Variants in CCDC88C observed in about 807,000 individuals in gnomAD.
The protein encoded by CCDC88C is protein Daple.
Under a neutral mutation model 198.8 loss-of-function variants are expected in CCDC88C, and 131 were observed. The ratio of observed to expected loss-of-function variants is 0.66; its 90% CI spans 0.57 to 0.76. The LOEUF (loss-of-function observed/expected upper bound fraction) is 0.76. Ranked by LOEUF, CCDC88C falls within the 30% of genes least tolerant of loss-of-function variation. The pLI is 0.00. For synonymous variants in CCDC88C, 1,166 were observed against 1,114.7 expected (o/e 1.05, Z -0.92); for missense variants, 2,553 against 2,631.6 (o/e 0.97, Z 0.65).
chr14:91,285,711 G>C (rs1394541892), intron 25 of CCDC88C: 1 of 1,288,922 alleles, frequency 7.8e-7, no homozygotes, highest in African/African-American at 1.5e-5. Context: ...GGCTCGTTAG[G>C]AGAGGATGGG....
chr14:91,272,592 G>A lies in CCDC88C; in HGVS notation c.*33C>T, dbSNP rs779623874. The stretch of plus-strand genomic sequence containing the variant: ...GTGAGAGTCGGAAGGCGCGTCAGTA[G>A]TTTTCAGGTTTGCGAGCTCAACCAC... On this transcript the variant is annotated 3_prime_UTR_variant, in exon 30 of 30. Transcript: ENST00000389857. 11 of 1,581,026 alleles carry A rather than the reference G, an allele frequency of 7.0e-6. No homozygotes were observed. The African/African-American group carries it at 1.2e-4, about 17-fold the overall frequency.
At chr14:91,376,588 G>A (rs1237056747) in intron 3 of CCDC88C, among the ~76,000 whole-genome samples, 1 of 152,226 alleles carries the variant, frequency 6.6e-6, no homozygotes. Flanking sequence ...CATGAACGCA[G>A]AGGTGAGAAG....
rs71428750 is a variant in CCDC88C at position 91,273,313 on chromosome 14, G to A, written c.5399C>T (p.Ser1800Phe). The change falls in exon 30 of 30, where the codon TCC (serine) becomes TTC (phenylalanine). Residue 1800 changes from serine (S) to phenylalanine (F), a missense_variant. Ser to Phe is a radical substitution (Grantham distance 155). Coordinates refer to ENST00000389857, the MANE Select transcript of CCDC88C (RefSeq NM_001080414.4). The surrounding 1 kb of genome is among the most constrained non-coding windows in gnomAD (Gnocchi z 5.6). ...GGCCAGGCTGAAGGCCCGGCTCAAG[G>A]AGGCACTGCGGCTGGCAGGTGCATG... is the stretch of plus-strand genomic sequence containing the variant. ...ASHAPASRSA[S>F]LSRAFSLASA... 1 of 1,556,668 alleles carries A rather than the reference G, an allele frequency of 6.4e-7. No homozygotes were observed. Among genetic ancestry groups the A allele is most frequent in the Non-Finnish European group, 8.7e-7 (1 of 1,148,962 alleles).
Position 91,279,326 on chromosome 14 carries a change from T to C in CCDC88C, c.4700-20A>G, listed in dbSNP as rs1338994339. 6.3e-7 allele frequency: 1 copy of C among 1,576,810 alleles called. No homozygotes were observed. Among genetic ancestry groups the C allele is most frequent in the Non-Finnish European group, 8.6e-7 (1 of 1,158,676 alleles). On this transcript the variant is annotated intron_variant, in intron 27 of 29. Coordinates refer to ENST00000389857, the MANE Select transcript of CCDC88C (RefSeq NM_001080414.4). ...GCGACACTGAAAGGAAATGGCAGTG[T>C]TAAAATTAAAAAGCCAATGACCAGG...
intron 2 of CCDC88C, 73 bp from the exon 3 acceptor site, chr14:91,408,840 C>A (rs1886649554): frequency 2.1e-6 from 2 of 973,308 alleles, no homozygotes; most frequent in Non-Finnish European, 3.3e-6. Context: ...AGCCACGACC[C>A]AGCATCTTGT....
Position 91,372,543 on chromosome 14 carries a change from G to GGGGC in CCDC88C, c.271-12833_271-12832insGCCC, listed in dbSNP as rs1386770369. Among the ~76,000 whole-genome samples, 793 of 82,094 alleles carry GGGGC rather than the reference G, an allele frequency of 9.7e-3. 50 individuals are homozygous for GGGGC. The highest frequency in any genetic ancestry group is 0.045 in the African/African-American group (739 of 16,342). The allele number at this position is 82,094 out of a possible 152,430, so 53.9% of individuals were successfully genotyped here. A position where few individuals can be genotyped will look rare whatever the true frequency, so the allele number is the denominator to read the frequency against. ...GGCAGTGGTGCGGGGGGGGGCGGGCGGGGGGGGGAGGCGTGTGTTAGTGCA... is the reference window on the plus strand; with the variant it reads ...GGCAGTGGTGCGGGGGGGGGCGGGCGGGGCGGGGGGGGAGGCGTGTGTTAGTGCA... On this transcript the variant is annotated intron_variant, in intron 3 of 29. Transcript: ENST00000389857.
chr14:91,285,421 CAT>C (rs1567049789), intron 25 of CCDC88C: 1 of 447,270 alleles, frequency 2.2e-6, no homozygotes, highest in East Asian at 7.1e-5. Context: ...GGCCCAAGGA[CAT>C]GTGCACGTAT....
rs1894772931 is a variant in CCDC88C, at chr14:91,371,049, G to A, written c.271-11338C>T. ...GAAGGACTTCAAGGATTAGGCTAAGGATGGAGAGAGCAGGACCCTTTCCCC... is the reference window on the plus strand; with the variant it reads ...GAAGGACTTCAAGGATTAGGCTAAGAATGGAGAGAGCAGGACCCTTTCCCC... On this transcript the variant is annotated intron_variant, in intron 3 of 29. Transcript: ENST00000389857. The surrounding 1 kb of genome is among the most constrained non-coding windows in gnomAD (Gnocchi z 4.2). 6.6e-6 allele frequency among the ~76,000 whole-genome samples: 1 copy of A among 152,146 alleles called. No homozygotes were observed. Among genetic ancestry groups the A allele is most frequent in the Admixed American group, 6.5e-5 (1 of 15,286 alleles).
intron 3 of CCDC88C, among the ~76,000 whole-genome samples, chr14:91,387,328 T>A (rs529137759): frequency 3.5e-4 from 54 of 152,166 alleles, no homozygotes; most frequent in Non-Finnish European, 7.4e-4. Context: ...TCATGGAGAG[T>A]GCCAACGTCC....
At chr14:91,276,151 C>G (rs1410536623) in intron 29 of CCDC88C, among the ~76,000 whole-genome samples, 1 of 152,212 alleles carries the variant, frequency 6.6e-6, no homozygotes, top group Non-Finnish European at 1.5e-5. Context: ...TGGTGCCTAC[C>G]CAGCCGCAAG....
Position 91,414,897 on chromosome 14 carries a change from T to C in CCDC88C, c.161+1841A>G, listed in dbSNP as rs191584773. ...ACACCACCCCGGCCGAATTTAGCCA[T>C]GGGCCAAATGAGAACAAGTGATGAG... On this transcript the variant is annotated intron_variant, in intron 2 of 29. Coordinates refer to ENST00000389857, the MANE Select transcript of CCDC88C (RefSeq NM_001080414.4). 2.6e-3 allele frequency among the ~76,000 whole-genome samples: 403 copies of C among 152,218 alleles called. 2 individuals carry two copies. The highest frequency in any genetic ancestry group is 9.3e-3 in the African/African-American group (388 of 41,526).
rs551785184 is a variant in CCDC88C, at chr14:91,318,290, C to A, written c.1528-2503G>T. Reference sequence around the variant, plus strand: ...AATTAGCTGGGCGTGGTGGTACGTGCCTGTGGTCCCAGCTATTCGGGAGGC... The same window carrying A: ...AATTAGCTGGGCGTGGTGGTACGTGACTGTGGTCCCAGCTATTCGGGAGGC... On this transcript the variant is annotated intron_variant, in intron 13 of 29. Coordinates refer to ENST00000389857, the MANE Select transcript of CCDC88C (RefSeq NM_001080414.4). Among the ~76,000 whole-genome samples the A allele has an allele frequency of 2.0e-5, 3 of 152,026 alleles. No homozygotes were observed. In the East Asian group the frequency reaches 5.8e-4, roughly 29 times the overall value.
At chr14:91,398,435 C>T (rs1438014072) in intron 3 of CCDC88C, among the ~76,000 whole-genome samples, 1 of 152,230 alleles carries the variant, frequency 6.6e-6, no homozygotes, top group East Asian at 1.9e-4. Context: ...GCAGGAGGAT[C>T]GCTTGAGCCC....
At chr14:91,330,062 A>G (rs1892751402) in intron 10 of CCDC88C, among the ~76,000 whole-genome samples, 1 of 152,248 alleles carries the variant, frequency 6.6e-6, no homozygotes, top group Admixed American at 6.5e-5. Context: ...AGGGACTGCC[A>G]TGTGCTGACC....
intron 2 of CCDC88C, among the ~76,000 whole-genome samples, chr14:91,411,245 A>G (rs907475018): frequency 5.3e-5 from 8 of 152,082 alleles, no homozygotes; most frequent in Non-Finnish European, 1.2e-4. Context: ...CCACCTTTCC[A>G]TGCTGTACAA....
intron 13 of CCDC88C, among the ~76,000 whole-genome samples, chr14:91,316,055 C>T (rs745379495): frequency 2.6e-5 from 4 of 152,350 alleles, no homozygotes; most frequent in African/African-American, 7.2e-5. Context: ...AGGCCGCCAC[C>T]GCTGGGTGCC....
At position 91,339,536 on chromosome 14, in the gene CCDC88C, G is replaced by T; in HGVS notation, c.625-74C>A. On this transcript the variant is annotated intron_variant, in intron 7 of 29. Transcript: ENST00000389857. The surrounding 1 kb of genome is among the most constrained non-coding windows in gnomAD (Gnocchi z 5.8). ...AGCACAACGCCTGAGCTTGAACAGG[G>T]TGAAGAAACCGCCAAAAGACAGATA... 7.2e-7 allele frequency: 1 copy of T among 1,386,162 alleles called. No individual in the cohort carries two copies. The highest frequency in any genetic ancestry group is 9.8e-7 in the Non-Finnish European group (1 of 1,020,656). The allele number at this position is 1,386,162 out of a possible 1,614,324, so 85.9% of individuals were successfully genotyped here.
intron 20 of CCDC88C, 135 bp from the exon 21 acceptor site, chr14:91,300,205 G>T: frequency 7.6e-7 from 1 of 1,314,374 alleles, no homozygotes; most frequent in South Asian, 1.4e-5. Context: ...AGAAGTGAGG[G>T]GCATGGGGCA....
intron 26 of CCDC88C, 80 bp from the exon 27 acceptor site, chr14:91,281,605 C>T (rs1472247455): frequency 1.6e-6 from 2 of 1,260,050 alleles, no homozygotes; most frequent in African/African-American, 1.5e-5. Context: ...TCGCCTGGCA[C>T]CCGGATCCCA....
Sources: allele counts gnomAD v4.1 joint callset (sites outside exome capture counted in the v4.1 genomes callset), GRCh38; gene constraint gnomAD v4.1.1; non-coding constraint Gnocchi (gnomAD v3.1); transcripts MANE v1.5; gene names NCBI Gene and HGNC (gene_info 2026-07-23, HGNC 2026-07-21).